SPPL2B: variants seen among roughly 807,000 people sequenced by gnomAD.
SPPL2B encodes the protein signal peptide peptidase like 2B, also known as signal peptide peptidase-like 2B.
In SPPL2B, 39 loss-of-function variants were observed where a neutral mutation model predicts 59.7. That is an observed-to-expected ratio of 0.65 (90% CI 0.51 to 0.85). The LOEUF is 0.85. Ranked by LOEUF, SPPL2B falls within the 40% of genes least tolerant of loss-of-function variation. SPPL2B has a pLI of 0.00. For missense variants in SPPL2B, 865 were observed against 849.0 expected (o/e 1.02, Z -0.23); for synonymous variants, 419 against 370.8 (o/e 1.13, Z -1.49).
intron 7 of SPPL2B, chr19:2,340,511 G>A (rs748213070): frequency 1.3e-5 from 8 of 600,774 alleles, no homozygotes; most frequent in Middle Eastern, 2.6e-4. Context: ...GGCTCTTAGG[G>A]GTAAAGGGAG....
In SPPL2B at chr19:2,345,267, TACTGCC is replaced by T; in HGVS notation, c.1294_1299del (p.Cys432_His433del). 1 of 1,613,056 alleles carries T rather than the reference TACTGCC, an allele frequency of 6.2e-7. No homozygotes were observed. The highest frequency in any genetic ancestry group is 8.5e-7 in the Non-Finnish European group (1 of 1,179,714). On this transcript the variant is annotated inframe_deletion, in exon 13 of 15. Transcript: ENST00000613503. The stretch of plus-strand genomic sequence containing the variant: ...GCCTCCCCCAGGGCTGCTGGTGGCC[TACTGCC>T]ACAGGTTTGACATCCAGGTACAGTC...
At chr19:2,331,928 G>A (rs1599192824) in intron 1 of SPPL2B, among the ~76,000 whole-genome samples, 1 of 152,346 alleles carries the variant, frequency 6.6e-6, no homozygotes, top group East Asian at 1.9e-4. Context: ...GCCGGACTGT[G>A]GATTCTTGGC....
chr19:2,338,643 G>A (rs1041265344), intron 3 of SPPL2B, 109 bp from the exon 4 acceptor site: 1 of 710,140 alleles, frequency 1.4e-6, no homozygotes, highest in Non-Finnish European at 2.4e-6. Flanking sequence ...CCCCCAGCCT[G>A]ACCCGAGCCT....
chr19:2,341,137 C>CG, intron 8 of SPPL2B, 123 bp downstream of exon 8: 2 of 747,660 alleles, frequency 2.7e-6, no homozygotes, highest in Non-Finnish European at 4.7e-6. Flanking sequence ...TTCAGCACCG[C>CG]GTGATGAAGA....
At chr19:2,348,870 C>T (rs1486892154) in intron 13 of SPPL2B, among the ~76,000 whole-genome samples, 37 of 148,070 alleles carry the variant, frequency 2.5e-4, no homozygotes, top group Non-Finnish European at 1.5e-5. Context: ...CGCTGTCATT[C>T]GCTTGATTCC....
Position 2,353,257 on chromosome 19 carries a change from G to A in SPPL2B, c.*48G>A. The A allele has an allele frequency of 1.3e-6, 2 of 1,556,962 alleles. No homozygotes were observed. Among genetic ancestry groups the A allele is most frequent in the Non-Finnish European group, 1.7e-6 (2 of 1,162,280 alleles). ...CCGTGCCCGCCACACCAAGATGTTG[G>A]GGCTGCCTGGCGCCCACTGGAGACA... is the stretch of plus-strand genomic sequence containing the variant. On this transcript the variant is annotated 3_prime_UTR_variant, in exon 15 of 15. Transcript: ENST00000613503.
In SPPL2B at chr19:2,353,724, C is replaced by T. The variant is rs1407302711; in HGVS notation, c.*515C>T. 6.4e-6 allele frequency: 1 copy of T among 155,520 alleles called. No homozygotes were observed. The highest frequency in any genetic ancestry group is 2.4e-5 in the African/African-American group (1 of 41,456). The allele number at this position is 155,520 out of a possible 1,614,324, so 9.6% of individuals were successfully genotyped here. The stretch of plus-strand genomic sequence containing the variant: ...GGAGGTTTGGAAGCTGCCTCCAAGC[C>T]TAGGACACGGACCAGTGGCCGGGGC... On this transcript the variant is annotated 3_prime_UTR_variant, in exon 15 of 15. Transcript: ENST00000613503.
At chr19:2,350,107 A>T (rs950823465) in intron 13 of SPPL2B, among the ~76,000 whole-genome samples, 1 of 144,074 alleles carries the variant, frequency 6.9e-6, no homozygotes, top group African/African-American at 2.6e-5. Flanking sequence ...CTCTCTCCAC[A>T]CACACTCGCG....
Position 2,351,484 on chromosome 19 carries a change from C to T in SPPL2B, c.1405C>T (p.Arg469Cys), listed in dbSNP as rs768531997. 6.8e-6 allele frequency: 11 copies of T among 1,610,008 alleles called. No individual in the cohort carries two copies. The highest frequency in any genetic ancestry group is 1.3e-5 in the African/African-American group (1 of 74,930). The change falls in exon 14 of 15, where the codon CGT (arginine) becomes TGT (cysteine). Residue 469 changes from arginine (R) to cysteine (C), a missense_variant. Physicochemically the swap from Arg to Cys is radical, Grantham distance 180. Coordinates refer to ENST00000613503, the MANE Select transcript of SPPL2B (RefSeq NM_152988.3). The stretch of plus-strand genomic sequence containing the variant: ...ATTCGTGGCACTGGCCCTGATGCAG[C>T]GTGGCCAGCCCGCTCTCCTCTACCT... The part of the protein sequence containing the change: ...VTFVALALMQ[R>C]GQPALLYLVP...
intron 2 of SPPL2B, among the ~76,000 whole-genome samples, chr19:2,335,012 A>G (rs981196231): frequency 6.6e-6 from 1 of 152,108 alleles, no homozygotes; most frequent in Non-Finnish European, 1.5e-5. Context: ...CAGTGGGCCC[A>G]GACAGAGGGG....
rs1307003778 is a variant in SPPL2B at position 2,344,111 on chromosome 19, ACC to A, written c.1113+79_1113+80del. The stretch of plus-strand genomic sequence containing the variant: ...GCCCCCTCGCAACCCCCGCCCCATC[ACC>A]CCCCCCATCACCCCGCCCCCTCGTC... On this transcript the variant is annotated intron_variant, in intron 10 of 14. Transcript: ENST00000613503. 41 of 535,742 alleles carry A rather than the reference ACC, an allele frequency of 7.7e-5. No individual in the cohort carries two copies. The African/African-American group carries it at 1.3e-3, about 16-fold the overall frequency. 33.2% of individuals were successfully genotyped at this position (535,742 alleles called of 1,614,324 possible). A position where few individuals can be genotyped will look rare whatever the true frequency, so the allele number is the denominator to read the frequency against.
intron 8 of SPPL2B, 198 bp from the exon 9 acceptor site, chr19:2,343,013 G>A: frequency 1.7e-6 from 1 of 589,530 alleles, no homozygotes. Context: ...TGGGGCCTGT[G>A]CCGCCAGCCC....
intron 1 of SPPL2B, 129 bp downstream of exon 1, chr19:2,328,904 C>T: frequency 1.2e-6 from 1 of 826,008 alleles, no homozygotes; most frequent in Non-Finnish European, 1.7e-6. Context: ...CCGCCGTCCC[C>T]GCGTTGTCGG....
intron 13 of SPPL2B, among the ~76,000 whole-genome samples, chr19:2,349,969 TAC>T (rs1471776670): frequency 2.3e-5 from 3 of 130,162 alleles, no homozygotes; most frequent in Admixed American, 7.9e-5. Flanking sequence ...GTTCTCTCTC[TAC>T]ACACACTCAC....
chr19:2,333,311 C>T (rs1968388027), intron 1 of SPPL2B, among the ~76,000 whole-genome samples: 1 of 138,688 alleles, frequency 7.2e-6, no homozygotes, highest in South Asian at 2.4e-4. Flanking sequence ...GGAGGCTGGA[C>T]TGGGCTTTGC....
At chr19:2,342,403 G>A (rs1212245705) in intron 8 of SPPL2B, 6 of 152,408 alleles carry the variant, frequency 3.9e-5, no homozygotes, top group African/African-American at 1.4e-4. Context: ...TGTAATCCCA[G>A]CACTTTGGGA....
intron 4 of SPPL2B, 57 bp from the exon 5 acceptor site, chr19:2,339,011 TC>T (rs1475299048): frequency 6.5e-7 from 1 of 1,527,946 alleles, no homozygotes. Context: ...CAGCTGCACG[TC>T]GACCCATGGC....
Position 2,339,532 on chromosome 19 carries a change from A to T in SPPL2B, c.600-292A>T, listed in dbSNP as rs962496175. The T allele has an allele frequency of 1.0e-5, 6 of 579,896 alleles. No individual in the cohort carries two copies. The East Asian group carries it at 1.7e-4, about 17-fold the overall frequency. The allele number at this position is 579,896 out of a possible 1,614,324, so 35.9% of individuals were successfully genotyped here. On this transcript the variant is annotated intron_variant, in intron 5 of 14. Transcript: ENST00000613503. ...AGCCGCCTGGGTCTGGGGAGGCCCCATGTCCAGGGCTCTTTATGCAGATCC... is the reference window on the plus strand; with the variant it reads ...AGCCGCCTGGGTCTGGGGAGGCCCCTTGTCCAGGGCTCTTTATGCAGATCC...
At chr19:2,347,203 T>TTC (rs1441394994) in intron 13 of SPPL2B, among the ~76,000 whole-genome samples, 4 of 147,304 alleles carry the variant, frequency 2.7e-5, no homozygotes, top group Non-Finnish European at 6.0e-5. Flanking sequence ...CCTGATTCCG[T>TTC]TCTCTCCCTC....
Sources: allele counts gnomAD v4.1 joint callset (sites outside exome capture counted in the v4.1 genomes callset), GRCh38; gene constraint gnomAD v4.1.1; transcripts MANE v1.5; gene names NCBI Gene and HGNC (gene_info 2026-07-23, HGNC 2026-07-21).